LCE3D: variants seen among roughly 807,000 people sequenced by gnomAD.
LCE3D encodes late cornified envelope 3D, also known as late cornified envelope protein 3D.
For synonymous variants in LCE3D, 46 were observed against 47.3 expected (o/e 0.97, Z 0.11); for missense variants, 124 against 121.1 (o/e 1.02, Z -0.11).
rs376200585 is a variant in LCE3D at position 152,579,633 on chromosome 1, G to A, written c.*25C>T. ...TGGGATTCTTGTTTCCTCCAAAATC[G>A]CTTGTCTCAGCATCAGGATCCAGGT... On this transcript the variant is annotated 3_prime_UTR_variant, in exon 2 of 2. Transcript: ENST00000368787. 1.5e-5 allele frequency: 24 copies of A among 1,613,236 alleles called. No homozygotes were observed. Among genetic ancestry groups the A allele is most frequent in the African/African-American group, 1.1e-4 (8 of 74,906 alleles).
At position 152,579,523 on chromosome 1, in the gene LCE3D, A is replaced by G; in HGVS notation, c.*135T>C. 1 of 1,412,048 alleles carries G rather than the reference A, an allele frequency of 7.1e-7. No homozygotes were observed. Among genetic ancestry groups the G allele is most frequent in the Non-Finnish European group, 9.6e-7 (1 of 1,037,734 alleles). 87.5% of individuals were successfully genotyped at this position (1,412,048 alleles called of 1,614,324 possible). A position where few individuals can be genotyped will look rare whatever the true frequency, so the allele number is the denominator to read the frequency against. ...CTTCTGGGGAGAGCTCAGACCTTCC[A>G]CAGGAAAACCCCTAGCTCAGCCTGT... On this transcript the variant is annotated 3_prime_UTR_variant, in exon 2 of 2. Coordinates refer to ENST00000368787, the MANE Select transcript of LCE3D (RefSeq NM_032563.2).
rs201347460 is a variant in LCE3D, at chr1:152,579,729, A to G, written c.208T>C (p.Ser70Pro). 4.8e-5 allele frequency: 78 copies of G among 1,613,786 alleles called. No homozygotes were observed. The highest frequency in any genetic ancestry group is 6.1e-5 in the Non-Finnish European group (72 of 1,180,020). The change falls in exon 2 of 2, where the codon TCC becomes CCC. Residue 70 changes from serine (S) to proline (P), a missense_variant. Physicochemically the swap from Ser to Pro is moderately conservative, Grantham distance 74 (BLOSUM62 -1). Transcript: ENST00000368787. ...HHRCRRQRPN[S>P]CDRGSGQQGG... ...TGCTGACCACTGCCCCTGTCACAGG[A>G]GTTGGGCCTCTGGCGCCGGCATCGG...
At position 152,579,695 on chromosome 1, in the gene LCE3D, C is replaced by A. The variant is rs57201979; in HGVS notation, c.242G>T (p.Gly81Val). The A allele has an allele frequency of 1.8e-3, 2,858 of 1,613,828 alleles. 57 individuals carry two copies. In the African/African-American group the frequency reaches 0.034, roughly 19 times the overall value. Residue 81 changes from glycine (G) to valine (V), a missense_variant, in exon 2 of 2, where the codon GGC becomes GTC. Physicochemically the swap from Gly to Val is moderately radical, Grantham distance 109. Transcript: ENST00000368787. The stretch of plus-strand genomic sequence containing the variant: ...TCCAGAGCCATGGCCGCAGCCAGAG[C>A]CCCCGCCTTGCTGACCACTGCCCCT... ...CDRGSGQQGGGSGCGHGSGGC... is the reference protein window; with the variant it reads ...CDRGSGQQGGVSGCGHGSGGC...
Position 152,579,474 on chromosome 1 carries a change from T to G in LCE3D, c.*184A>C, listed in dbSNP as rs568213439. 49 of 847,354 alleles carry G rather than the reference T, an allele frequency of 5.8e-5. No individual in the cohort carries two copies. The East Asian group carries it at 1.2e-3, about 21-fold the overall frequency. The allele number at this position is 847,354 out of a possible 1,614,324, so 52.5% of individuals were successfully genotyped here. A position where few individuals can be genotyped will look rare whatever the true frequency, so the allele number is the denominator to read the frequency against. ...TACAGGGGTAAGGGAACATGTGACA[T>G]CCTGGACATCAGACAGGAAGTGCCT... On this transcript the variant is annotated 3_prime_UTR_variant, in exon 2 of 2. Coordinates refer to ENST00000368787, the MANE Select transcript of LCE3D (RefSeq NM_032563.2).
At position 152,579,413 on chromosome 1, in the gene LCE3D, TGAG is replaced by T; in HGVS notation, c.*242_*244del. On this transcript the variant is annotated 3_prime_UTR_variant, in exon 2 of 2. Transcript: ENST00000368787. Reference sequence around the variant, plus strand: ...GAGGACAAGGAGCTTTATTTTTTGATGAGGTCAGGCACAAGCACTGCCAATCCT... The same window carrying T: ...GAGGACAAGGAGCTTTATTTTTTGATGTCAGGCACAAGCACTGCCAATCCT... The T allele has an allele frequency of 1.6e-6, 1 of 607,370 alleles. No homozygotes were observed. Among genetic ancestry groups the T allele is most frequent in the Non-Finnish European group, 2.8e-6 (1 of 351,020 alleles). 37.6% of individuals were successfully genotyped at this position (607,370 alleles called of 1,614,324 possible).
chr1:152,580,198 T>G (rs1473649548), intron 1 of LCE3D, among the ~76,000 whole-genome samples: 1 of 151,986 alleles, frequency 6.6e-6, no homozygotes, highest in African/African-American at 2.4e-5. Flanking sequence ...CAAAAGGCAT[T>G]CTGGAGAATG....
At position 152,579,564 on chromosome 1, in the gene LCE3D, G is replaced by T; in HGVS notation, c.*94C>A. On this transcript the variant is annotated 3_prime_UTR_variant, in exon 2 of 2. Coordinates refer to ENST00000368787, the MANE Select transcript of LCE3D (RefSeq NM_032563.2). The stretch of plus-strand genomic sequence containing the variant: ...CTCAGCCTGTGAAAGCCAGAAGAGG[G>T]TATCTGGGAACTCATGCATCAAGAT... 2 of 1,569,980 alleles carry T rather than the reference G, an allele frequency of 1.3e-6. No homozygotes were observed. Among genetic ancestry groups the T allele is most frequent in the Non-Finnish European group, 8.7e-7 (1 of 1,153,968 alleles).
At position 152,580,500 on chromosome 1, in the gene LCE3D, C is replaced by T. The variant is rs1005907958; in HGVS notation, c.-53G>A. 3 of 163,352 alleles carry T rather than the reference C, an allele frequency of 1.8e-5. No individual in the cohort carries two copies. Among genetic ancestry groups the T allele is most frequent in the African/African-American group, 7.2e-5 (3 of 41,534 alleles). The allele number at this position is 163,352 out of a possible 1,614,324, so 10.1% of individuals were successfully genotyped here. ...CAGAGGAGGCAGGAGAAGGCTGTTC[C>T]TGAGGAGACGGTGGATGAGGAGCCC... On this transcript the variant is annotated 5_prime_UTR_variant, in exon 1 of 2. Transcript: ENST00000368787.
intron 1 of LCE3D, among the ~76,000 whole-genome samples, 168 bp from the exon 2 acceptor site, chr1:152,580,125 G>A (rs1437696270): frequency 1.3e-5 from 2 of 152,052 alleles, no homozygotes; most frequent in African/African-American, 4.8e-5. Context: ...AGATTGCTGT[G>A]AGTCTAAGTG....
chr1:152,580,361 C>T (rs564300808), intron 1 of LCE3D, 108 bp downstream of exon 1: 2 of 217,124 alleles, frequency 9.2e-6, no homozygotes, highest in African/African-American at 4.6e-5. Context: ...CTCTGCCATC[C>T]TCTCTCCGGG....
At position 152,579,654 on chromosome 1, in the gene LCE3D, C is replaced by A. The variant is rs1315474127; in HGVS notation, c.*4G>T. 1 of 1,613,678 alleles carries A rather than the reference C, an allele frequency of 6.2e-7. No homozygotes were observed. Among genetic ancestry groups the A allele is most frequent in the Non-Finnish European group, 8.5e-7 (1 of 1,179,982 alleles). ...AATCGCTTGTCTCAGCATCAGGATCCAGGTCAGCAGCAGCCTCCAGAGCCA... is the reference window on the plus strand; with the variant it reads ...AATCGCTTGTCTCAGCATCAGGATCAAGGTCAGCAGCAGCCTCCAGAGCCA... On this transcript the variant is annotated 3_prime_UTR_variant, in exon 2 of 2. Coordinates refer to ENST00000368787, the MANE Select transcript of LCE3D (RefSeq NM_032563.2).
rs199513907 is a variant in LCE3D, at chr1:152,579,664, G to C, written c.273C>G (p.Cys91Trp). ...GSGCGHGSGG[C>W]C Reference sequence around the variant, plus strand: ...CTCAGCATCAGGATCCAGGTCAGCAGCAGCCTCCAGAGCCATGGCCGCAGC... The same window carrying C: ...CTCAGCATCAGGATCCAGGTCAGCACCAGCCTCCAGAGCCATGGCCGCAGC... Residue 91 changes from cysteine (C) to tryptophan (W), a missense_variant, in exon 2 of 2, where the codon TGC becomes TGG. Transcript: ENST00000368787. 17 of 1,613,644 alleles carry C rather than the reference G, an allele frequency of 1.1e-5. No individual in the cohort carries two copies. The highest frequency in any genetic ancestry group is 1.4e-5 in the Non-Finnish European group (16 of 1,179,984).
Position 152,579,902 on chromosome 1 carries a change from G to T in LCE3D, c.35C>A (p.Pro12His). 3 of 1,613,916 alleles carry T rather than the reference G, an allele frequency of 1.9e-6. No individual in the cohort carries two copies. The highest frequency in any genetic ancestry group is 2.5e-6 in the Non-Finnish European group (3 of 1,180,036). ...SCQQNQQQCQ[P>H]PPKCPSPKCP... is the part of the protein sequence containing the mutation. The stretch of plus-strand genomic sequence containing the variant: ...CTTGGGTGAGGGACACTTGGGTGGG[G>T]GTTGGCACTGCTGCTGGTTCTGCTG... Residue 12 changes from proline to histidine, a missense_variant, in exon 2 of 2, where the codon CCC becomes CAC. Transcript: ENST00000368787.
chr1:152,580,077 C>A, intron 1 of LCE3D, 120 bp from the exon 2 acceptor site: 1 of 1,203,446 alleles, frequency 8.3e-7, no homozygotes, highest in Non-Finnish European at 1.2e-6. Flanking sequence ...GTTGGTGGGA[C>A]ATGCCAGATG....
intron 1 of LCE3D, 61 bp from the exon 2 acceptor site, chr1:152,580,018 C>A (rs577004718): frequency 1.9e-6 from 3 of 1,598,004 alleles, no homozygotes; most frequent in Non-Finnish European, 2.6e-6. Context: ...CTAAGACCAG[C>A]GGCCTCCTGA....
rs373702183 is a variant in LCE3D at position 152,579,696 on chromosome 1, C to T, written c.241G>A (p.Gly81Ser). The change falls in exon 2 of 2, where the codon GGC becomes AGC. Residue 81 changes from glycine (G) to serine (S), a missense_variant. Physicochemically the swap from Gly to Ser is moderately conservative, Grantham distance 56. Transcript: ENST00000368787. ...CDRGSGQQGGGSGCGHGSGGC... is the reference protein window; with the variant it reads ...CDRGSGQQGGSSGCGHGSGGC... ...CCAGAGCCATGGCCGCAGCCAGAGC[C>T]CCCGCCTTGCTGACCACTGCCCCTG... 1.4e-4 allele frequency: 227 copies of T among 1,613,730 alleles called. No homozygotes were observed. Among genetic ancestry groups the T allele is most frequent in the Non-Finnish European group, 1.9e-4 (224 of 1,180,028 alleles).
rs1660176373 is a variant in LCE3D at position 152,579,578 on chromosome 1, A to G, written c.*80T>C. ...GCCAGAAGAGGGTATCTGGGAACTC[A>G]TGCATCAAGATGGGGTTTTCCTGGG... is the stretch of plus-strand genomic sequence containing the variant. On this transcript the variant is annotated 3_prime_UTR_variant, in exon 2 of 2. Transcript: ENST00000368787. The G allele has an allele frequency of 1.9e-6, 3 of 1,594,876 alleles. No homozygotes were observed. Among genetic ancestry groups the G allele is most frequent in the African/African-American group, 2.7e-5 (2 of 74,496 alleles).
rs2101777230 is a variant in LCE3D at position 152,579,739 on chromosome 1, C to T, written c.198G>A (p.Gln66=). Residue 66 remains glutamine, a synonymous_variant, in exon 2 of 2, where the codon CAG becomes CAA. Transcript: ENST00000368787. ...TGCCCCTGTCACAGGAGTTGGGCCTCTGGCGCCGGCATCGGTGGTGGCGCC... is the reference window on the plus strand; with the variant it reads ...TGCCCCTGTCACAGGAGTTGGGCCTTTGGCGCCGGCATCGGTGGTGGCGCC... ...HHRRHHRCRR[Q]RPNSCDRGSG... 1 of 1,613,850 alleles carries T rather than the reference C, an allele frequency of 6.2e-7. No homozygotes were observed. Among genetic ancestry groups the T allele is most frequent in the Non-Finnish European group, 8.5e-7 (1 of 1,180,038 alleles).
Position 152,579,476 on chromosome 1 carries a change from C to T in LCE3D, c.*182G>A. The T allele has an allele frequency of 1.1e-6, 1 of 869,586 alleles. No individual in the cohort carries two copies. Among genetic ancestry groups the T allele is most frequent in the Non-Finnish European group, 1.7e-6 (1 of 571,904 alleles). 53.9% of individuals were successfully genotyped at this position (869,586 alleles called of 1,614,324 possible). ...CAGGGGTAAGGGAACATGTGACATC[C>T]TGGACATCAGACAGGAAGTGCCTTC... On this transcript the variant is annotated 3_prime_UTR_variant, in exon 2 of 2. Coordinates refer to ENST00000368787, the MANE Select transcript of LCE3D (RefSeq NM_032563.2).
Sources: allele counts gnomAD v4.1 joint callset (sites outside exome capture counted in the v4.1 genomes callset), GRCh38; gene constraint gnomAD v4.1.1; transcripts MANE v1.5; gene names NCBI Gene and HGNC (gene_info 2026-07-23, HGNC 2026-07-21).